Variants in DGKB observed in about 807,000 individuals in gnomAD.
DGKB encodes the protein diacylglycerol kinase beta, also known as 90 kDa diacylglycerol kinase.
A neutral mutation model predicts 114.3 loss-of-function variants in DGKB; 67 were observed. The ratio of observed to expected loss-of-function variants is 0.59; its 90% confidence interval spans 0.48 to 0.72. DGKB has a LOEUF of 0.72. Among genes scored for constraint, DGKB ranks in the 30% least tolerant of loss-of-function variants. The pLI, the probability that DGKB is intolerant of heterozygous loss-of-function variation, is 0.00. For missense variants in DGKB, 907 were observed against 975.2 expected, an observed-to-expected ratio of 0.93 and a Z score of 0.93; for synonymous variants, 398 against 323.1, an observed-to-expected ratio of 1.23 and a Z score of -2.49.
chr7:14,716,141 C>A (rs1355356996), intron 6 of DGKB, among the ~76,000 whole-genome samples: 3 of 152,152 alleles, frequency 2.0e-5, no homozygotes, highest in Non-Finnish European at 4.4e-5. Flanking sequence ...GGAAAAACAA[C>A]TGTTGTGTCA....
intron 23 of DGKB, among the ~76,000 whole-genome samples, chr7:14,279,247 G>C (rs904514336): frequency 3.9e-5 from 6 of 152,070 alleles, no homozygotes; most frequent in African/African-American, 7.3e-5. Context: ...ACGGAGTCTC[G>C]CTGATTGCTA....
chr7:14,156,407 T>C (rs1476505086), intron 25 of DGKB, among the ~76,000 whole-genome samples: 1 of 152,174 alleles, frequency 6.6e-6, no homozygotes, highest in African/African-American at 2.4e-5. Flanking sequence ...GTCTCTGAAC[T>C]ACTCAACACT....
In DGKB at chr7:14,375,719, C is replaced by T. The variant is rs78827566; in HGVS notation, c.1836-30328G>A. ...CTGGCATTTCCTGCTTTGCTTTCTTCGATAGCACTTCCTGCCATCTGAAAT... is the reference window on the plus strand; with the variant it reads ...CTGGCATTTCCTGCTTTGCTTTCTTTGATAGCACTTCCTGCCATCTGAAAT... On this transcript the variant is annotated intron_variant, in intron 21 of 25. Coordinates refer to ENST00000402815, the MANE Select transcript of DGKB (RefSeq NM_001350709.2). Among the ~76,000 whole-genome samples, 15 of 152,242 alleles carry T rather than the reference C, an allele frequency of 9.9e-5. No homozygotes were observed. The East Asian group carries it at 2.5e-3, about 26-fold the overall frequency.
chr7:14,470,100 T>C (rs1276418178), intron 21 of DGKB, among the ~76,000 whole-genome samples: 2 of 151,884 alleles, frequency 1.3e-5, no homozygotes, highest in African/African-American at 2.4e-5. Context: ...AAAATGAGTA[T>C]GTTTCTTCTT....
At chr7:14,909,246 C>T (rs199581358) in intron 1 of DGKB, among the ~76,000 whole-genome samples, 3 of 152,128 alleles carry the variant, frequency 2.0e-5, no homozygotes, top group Admixed American at 1.3e-4. Flanking sequence ...TTTCATCCTA[C>T]GGTGAATAAT....
intron 17 of DGKB, among the ~76,000 whole-genome samples, chr7:14,599,319 T>C (rs982659247): frequency 6.6e-6 from 1 of 152,198 alleles, no homozygotes; most frequent in African/African-American, 2.4e-5. Context: ...GTCACAATAA[T>C]CCTAAAACCC....
At chr7:14,408,587 T>A (rs1282162046) in intron 21 of DGKB, among the ~76,000 whole-genome samples, 3 of 152,174 alleles carry the variant, frequency 2.0e-5, no homozygotes, top group Non-Finnish European at 4.4e-5. Flanking sequence ...ATAGAACAAT[T>A]GCCATTTCTA....
chr7:14,642,165 G>T (rs1451858594), intron 13 of DGKB, among the ~76,000 whole-genome samples: 2 of 151,792 alleles, frequency 1.3e-5, no homozygotes, highest in African/African-American at 4.8e-5. Context: ...GTTAGTTTCT[G>T]CTAAAACATT....
At chr7:14,192,057 G>A (rs901240560) in intron 23 of DGKB, 13 of 444,276 alleles carry the variant, frequency 2.9e-5, no homozygotes, top group Non-Finnish European at 4.9e-5. Flanking sequence ...GAGACAGATA[G>A]TCGCTGTGGG....
intron 17 of DGKB, among the ~76,000 whole-genome samples, chr7:14,598,430 C>T (rs1357868): frequency 0.53 from 81,225 of 152,000 alleles, 22,127 homozygotes; most frequent in African/African-American, 0.63. Flanking sequence ...TTTCTGCATA[C>T]TAAATGATTG....
intron 21 of DGKB, among the ~76,000 whole-genome samples, chr7:14,458,800 C>A (rs952518527): frequency 6.6e-6 from 1 of 152,190 alleles, no homozygotes; most frequent in Non-Finnish European, 1.5e-5. Context: ...AACGAGCTAG[C>A]TGCAGGATTT....
chr7:14,578,312 A>C (rs1229890308), intron 19 of DGKB, among the ~76,000 whole-genome samples: 1 of 152,166 alleles, frequency 6.6e-6, no homozygotes, highest in Non-Finnish European at 1.5e-5. Flanking sequence ...CAGTGTGAGA[A>C]CAAACTAATA....
At chr7:14,486,800 T>C (rs1415772284) in intron 20 of DGKB, among the ~76,000 whole-genome samples, 1 of 152,174 alleles carries the variant, frequency 6.6e-6, no homozygotes, top group Non-Finnish European at 1.5e-5. Flanking sequence ...AAAGCACCAG[T>C]ACCAAATCTA....
chr7:14,318,521 A>C (rs182776769), intron 23 of DGKB, among the ~76,000 whole-genome samples: 3 of 152,330 alleles, frequency 2.0e-5, no homozygotes, highest in Admixed American at 2.0e-4. Context: ...ATGCAGCCAA[A>C]AGACACATGA....
intron 9 of DGKB, among the ~76,000 whole-genome samples, chr7:14,692,129 T>A (rs920665072): frequency 6.6e-6 from 1 of 151,862 alleles, no homozygotes; most frequent in African/African-American, 2.4e-5. Flanking sequence ...TTCACAAATA[T>A]CTATATTTAT....
At chr7:14,704,043 C>T (rs1233409907) in intron 6 of DGKB, among the ~76,000 whole-genome samples, 1 of 150,192 alleles carries the variant, frequency 6.7e-6, no homozygotes, top group Non-Finnish European at 1.5e-5. Context: ...GAACCCCTTT[C>T]ATCCTCCCCC....
chr7:14,246,349 G>T (rs377314139), intron 23 of DGKB, among the ~76,000 whole-genome samples: 110 of 152,246 alleles, frequency 7.2e-4, no homozygotes, highest in African/African-American at 2.5e-3. Context: ...AGGGACTGAG[G>T]AATAGAAATG....
At chr7:14,277,106 C>T (rs928012287) in intron 23 of DGKB, among the ~76,000 whole-genome samples, 4 of 151,812 alleles carry the variant, frequency 2.6e-5, no homozygotes, top group African/African-American at 9.7e-5. Context: ...AATTTTATAC[C>T]CTTTGACCAA....
rs545789617 is a variant in DGKB, at chr7:14,819,106, A to G, written c.70+22088T>C. On this transcript the variant is annotated intron_variant, in intron 2 of 25. Coordinates refer to ENST00000402815, the MANE Select transcript of DGKB (RefSeq NM_001350709.2). ...TACGCCCTGTCCTTTCCAGATGCCAATGATTCATTCTCTTTTCATATTCTA... is the reference window on the plus strand; with the variant it reads ...TACGCCCTGTCCTTTCCAGATGCCAGTGATTCATTCTCTTTTCATATTCTA... 2.6e-5 allele frequency among the ~76,000 whole-genome samples: 4 copies of G among 152,172 alleles called. No individual in the cohort carries two copies. The East Asian group carries it at 5.8e-4, about 22-fold the overall frequency.
Sources: allele counts gnomAD v4.1 joint callset (sites outside exome capture counted in the v4.1 genomes callset), GRCh38; gene constraint gnomAD v4.1.1; transcripts MANE v1.5; gene names NCBI Gene and HGNC (gene_info 2026-07-23, HGNC 2026-07-21).